The following STAB2 variants were observed in gnomAD, a reference collection of about 807,000 sequenced individuals.
The protein encoded by STAB2 is stabilin-2.
Under a neutral mutation model 338.1 loss-of-function variants are expected in STAB2, and 288 were observed. The observed-to-expected ratio is 0.85, with a 90% CI of 0.77 to 0.94. The LOEUF is 0.94. Ranked by LOEUF, STAB2 falls within the 40% of genes least tolerant of loss-of-function variation. STAB2 has a pLI of 0.00. For missense variants in STAB2, 3,141 were observed against 3,210.1 expected (o/e 0.98, Z 0.52); for synonymous variants, 1,202 against 1,193.3 (o/e 1.01, Z -0.15).
At chr12:103,740,907 T>C (rs546104296) in intron 55 of STAB2, 151 bp downstream of exon 55, 1 of 1,162,942 alleles carries the variant, frequency 8.6e-7, no homozygotes, top group South Asian at 2.0e-5. Flanking sequence ...GAGTTGTGTA[T>C]CATTCCTTCT....
At position 103,759,171 on chromosome 12, in the gene STAB2, T is replaced by C. The variant is rs1383492811; in HGVS notation, c.7146T>C (p.Asn2382=). The C allele has an allele frequency of 6.2e-7, 1 of 1,614,194 alleles. No homozygotes were observed. The highest frequency in any genetic ancestry group is 1.1e-5 in the South Asian group (1 of 91,086). Residue 2382 remains asparagine (N), a synonymous_variant, in exon 65 of 69, where the codon AAT becomes AAC. Coordinates refer to ENST00000388887, the MANE Select transcript of STAB2 (RefSeq NM_017564.10). ...SGRDIEHHLA[N]VSMFFYNDLV... is the part of the protein sequence containing the mutation. Reference sequence around the variant, plus strand: ...GGGACATCGAGCACCACCTCGCCAATGTCAGCATGTTTTTCTACAATGACC... The same window carrying C: ...GGGACATCGAGCACCACCTCGCCAACGTCAGCATGTTTTTCTACAATGACC...
intron 10 of STAB2, among the ~76,000 whole-genome samples, chr12:103,650,176 G>A (rs1873630743): frequency 6.6e-6 from 1 of 152,066 alleles, no homozygotes; most frequent in Admixed American, 6.5e-5. Context: ...ACAACTCAAA[G>A]TTAAGCGCAG....
chr12:103,612,012 T>G (rs11111678), intron 3 of STAB2, among the ~76,000 whole-genome samples: 48,881 of 152,008 alleles, frequency 0.32, 10,016 homozygotes, highest in African/African-American at 0.58. Flanking sequence ...TTGAATATTG[T>G]CCCCCACTCT....
At chr12:103,703,549 G>C (rs73189889) in intron 35 of STAB2, among the ~76,000 whole-genome samples, 9,935 of 152,196 alleles carry the variant, frequency 0.065, 523 homozygotes, top group African/African-American at 0.15. Context: ...GGGATGGTGG[G>C]GGGGAGTGGT....
At chr12:103,700,797 A>C (rs903651509) in intron 34 of STAB2, among the ~76,000 whole-genome samples, 6 of 152,178 alleles carry the variant, frequency 3.9e-5, no homozygotes, top group Non-Finnish European at 7.3e-5. Context: ...GCTTTTATTG[A>C]TAATTTACTT....
chr12:103,681,267 A>G (rs542698744), intron 25 of STAB2, among the ~76,000 whole-genome samples: 8 of 152,282 alleles, frequency 5.3e-5, no homozygotes, highest in African/African-American at 1.9e-4. Flanking sequence ...TTTTTGACGC[A>G]CTTGAGTTGG....
intron 25 of STAB2, among the ~76,000 whole-genome samples, chr12:103,679,659 G>A (rs1876719913): frequency 6.6e-6 from 1 of 152,184 alleles, no homozygotes; most frequent in Non-Finnish European, 1.5e-5. Flanking sequence ...AGTTATAACA[G>A]AAAACTCAAT....
intron 6 of STAB2, among the ~76,000 whole-genome samples, chr12:103,634,894 A>C (rs1188411955): frequency 6.6e-6 from 1 of 152,024 alleles, no homozygotes; most frequent in Non-Finnish European, 1.5e-5. Context: ...AATATATAAA[A>C]CCTCTACTCA....
At chr12:103,671,678 C>T (rs775087437) in intron 22 of STAB2, among the ~76,000 whole-genome samples, 3 of 152,172 alleles carry the variant, frequency 2.0e-5, no homozygotes, top group Non-Finnish European at 2.9e-5. Context: ...ACATGTGCCA[C>T]AAATATTATT....
chr12:103,763,723 T>C (rs1247168608), intron 68 of STAB2, 115 bp downstream of exon 68: 12 of 1,039,548 alleles, frequency 1.2e-5, no homozygotes, highest in Non-Finnish European at 1.6e-5. Flanking sequence ...CTAGAATGTA[T>C]GTCAGGTAAC....
chr12:103,612,016 C>A (rs1453136297), intron 3 of STAB2, among the ~76,000 whole-genome samples: 1 of 152,176 alleles, frequency 6.6e-6, no homozygotes, highest in Non-Finnish European at 1.5e-5. Flanking sequence ...ATATTGTCCC[C>A]CACTCTCTTC....
chr12:103,731,797 C>T (rs1012540940), intron 50 of STAB2, among the ~76,000 whole-genome samples, 162 bp downstream of exon 50: 3 of 152,188 alleles, frequency 2.0e-5, no homozygotes, highest in Non-Finnish European at 4.4e-5. Context: ...TTCTCTGCCA[C>T]TCCCTTCTTA....
At chr12:103,700,278 AAAATT>A (rs1216505460) in intron 34 of STAB2, among the ~76,000 whole-genome samples, 6 of 152,374 alleles carry the variant, frequency 3.9e-5, no homozygotes, top group East Asian at 3.9e-4. Context: ...TATCACAAGA[AAAATT>A]AAAACAAATT....
intron 12 of STAB2, among the ~76,000 whole-genome samples, 166 bp downstream of exon 12, chr12:103,652,871 C>T (rs1162809337): frequency 6.6e-6 from 1 of 152,186 alleles, no homozygotes; most frequent in African/African-American, 2.4e-5. Context: ...GACAGCAACA[C>T]CAGGGAAGGC....
chr12:103,613,639 C>T (rs1024292994), intron 3 of STAB2, among the ~76,000 whole-genome samples: 26 of 152,174 alleles, frequency 1.7e-4, no homozygotes, highest in Admixed American at 5.2e-4. Context: ...ACTTCCCGGG[C>T]GAGGCAATGC....
At chr12:103,686,926 C>G (rs1030890381) in intron 27 of STAB2, among the ~76,000 whole-genome samples, 1 of 152,200 alleles carries the variant, frequency 6.6e-6, no homozygotes, top group Non-Finnish European at 1.5e-5. Context: ...CTCAGCCCTC[C>G]TCTCCCTTAA....
At chr12:103,650,981 G>GGAAGA (rs1873698254) in intron 11 of STAB2, among the ~76,000 whole-genome samples, 1 of 152,176 alleles carries the variant, frequency 6.6e-6, no homozygotes, top group African/African-American at 2.4e-5. Context: ...GTATTAGCTA[G>GGAAGA]ATATGTGGGT....
At chr12:103,714,328 A>G (rs1441341989) in intron 42 of STAB2, among the ~76,000 whole-genome samples, 2 of 152,234 alleles carry the variant, frequency 1.3e-5, no homozygotes, top group Non-Finnish European at 2.9e-5. Flanking sequence ...CTGTTTAGTT[A>G]GAAAAAAATT....
intron 47 of STAB2, 39 bp downstream of exon 47, chr12:103,727,389 G>T (rs757192870): frequency 6.2e-7 from 1 of 1,604,880 alleles, no homozygotes; most frequent in Non-Finnish European, 8.5e-7. Flanking sequence ...GAGGTCTGCG[G>T]CTGGAACATA....
Sources: allele counts gnomAD v4.1 joint callset (sites outside exome capture counted in the v4.1 genomes callset), GRCh38; gene constraint gnomAD v4.1.1; transcripts MANE v1.5; gene names NCBI Gene and HGNC (gene_info 2026-07-23, HGNC 2026-07-21).